SESN2: variants seen among roughly 807,000 people sequenced by gnomAD.
SESN2 encodes sestrin-2.
A neutral mutation model predicts 56.0 loss-of-function variants in SESN2; 42 were observed. That is an observed-to-expected ratio of 0.75 (90% confidence interval 0.59 to 0.97). SESN2 has a LOEUF of 0.97. Among genes scored for constraint, SESN2 ranks in the 50% least tolerant of loss-of-function variants. SESN2 has a pLI of 0.00. For synonymous variants in SESN2, 264 were observed against 267.1 expected, an observed-to-expected ratio of 0.99 and a Z score of 0.11; for missense variants, 507 against 649.4, an observed-to-expected ratio of 0.78 and a Z score of 2.38.
chr1:28,271,596 C>T (rs2149038482), intron 2 of SESN2, 78 bp from the exon 3 acceptor site: 2 of 1,147,342 alleles, frequency 1.7e-6, no homozygotes. Flanking sequence ...CATTAAAAAC[C>T]CACTGGAAGA....
chr1:28,273,822 ATTG>A (rs887373658), intron 6 of SESN2, among the ~76,000 whole-genome samples: 13 of 152,186 alleles, frequency 8.5e-5, no homozygotes, highest in East Asian at 5.8e-4. Flanking sequence ...AACTGCCACT[ATTG>A]TTGTTACCAG....
intron 9 of SESN2, 35 bp downstream of exon 9, chr1:28,279,276 GAC>G: frequency 6.2e-7 from 1 of 1,612,160 alleles, no homozygotes; most frequent in Non-Finnish European, 8.5e-7. Flanking sequence ...GATGGAAGTA[GAC>G]AGGCCAAGCC....
chr1:28,259,999 G>A, intron 1 of SESN2, 62 bp downstream of exon 1: 1 of 1,247,770 alleles, frequency 8.0e-7, no homozygotes, highest in Non-Finnish European at 1.1e-6. Context: ...TGAGCCTCAG[G>A]CTGTCCGGAG....
At chr1:28,266,574 T>A (rs901962254) in intron 1 of SESN2, among the ~76,000 whole-genome samples, 1 of 151,030 alleles carries the variant, frequency 6.6e-6, no homozygotes, top group African/African-American at 2.4e-5. Flanking sequence ...TTTTTTTTTT[T>A]TTTGAGACAG....
intron 8 of SESN2, among the ~76,000 whole-genome samples, chr1:28,278,508 G>A (rs1293317019): frequency 4.6e-5 from 7 of 152,170 alleles, no homozygotes; most frequent in Middle Eastern, 3.2e-3. Flanking sequence ...CTGAGGTTGC[G>A]GTGAGCCGAG....
At chr1:28,272,996 G>A (rs1647845751) in intron 5 of SESN2, among the ~76,000 whole-genome samples, 1 of 152,182 alleles carries the variant, frequency 6.6e-6, no homozygotes. Context: ...GGCTGTGAGG[G>A]TTAAATGAAA....
At position 28,271,397 on chromosome 1, in the gene SESN2, AGTT is replaced by A. The variant is rs575558899; in HGVS notation, c.157-271_157-269del. On this transcript the variant is annotated intron_variant, in intron 2 of 9. Coordinates refer to ENST00000253063, the MANE Select transcript of SESN2 (RefSeq NM_031459.5). ...TGGAGAAACAGAACTCCAGTTTTAT[AGTT>A]GTTGTGAGAGTTAAATAAGTTAAAA... Among the ~76,000 whole-genome samples, 9 of 152,342 alleles carry A rather than the reference AGTT, an allele frequency of 5.9e-5. No homozygotes were observed. The South Asian group carries it at 1.2e-3, about 21-fold the overall frequency.
intron 9 of SESN2, 73 bp downstream of exon 9, chr1:28,279,314 C>T: frequency 1.3e-6 from 2 of 1,507,882 alleles, no homozygotes; most frequent in Non-Finnish European, 1.8e-6. Flanking sequence ...GGGTTAGGAC[C>T]CAGTGAGAGT....
rs577066195 is a variant in SESN2 at position 28,260,586 on chromosome 1, G to A, written c.90+649G>A. Among the ~76,000 whole-genome samples, 27 of 152,324 alleles carry A rather than the reference G, an allele frequency of 1.8e-4. No individual in the cohort carries two copies. In the South Asian group the frequency reaches 3.7e-3, roughly 21 times the overall value. Reference sequence around the variant, plus strand: ...GCTGGGGGGAGAGGGGACAACCCTGGTCGCGGCTTCCGAAGCCAAGCGCGG... The same window carrying A: ...GCTGGGGGGAGAGGGGACAACCCTGATCGCGGCTTCCGAAGCCAAGCGCGG... On this transcript the variant is annotated intron_variant, in intron 1 of 9. Coordinates refer to ENST00000253063, the MANE Select transcript of SESN2 (RefSeq NM_031459.5).
At chr1:28,273,332 T>C (rs777956427) in intron 5 of SESN2, 26 bp from the exon 6 acceptor site, 50 of 1,533,912 alleles carry the variant, frequency 3.3e-5, no homozygotes, top group Non-Finnish European at 4.3e-5. Context: ...GAGGAGTAGC[T>C]GGTCACCACG....
intron 6 of SESN2, among the ~76,000 whole-genome samples, chr1:28,273,838 G>T (rs2149039281): frequency 6.6e-6 from 1 of 152,278 alleles, no homozygotes; most frequent in Non-Finnish European, 1.5e-5. Flanking sequence ...GTTACCAGGG[G>T]CCTCGCTTCA....
At chr1:28,262,504 G>A (rs1271139886) in intron 1 of SESN2, among the ~76,000 whole-genome samples, 3 of 150,640 alleles carry the variant, frequency 2.0e-5, no homozygotes, top group Non-Finnish European at 2.9e-5. Context: ...GGTGGTGTGC[G>A]CCAGCTACTT....
chr1:28,273,963 C>A, intron 6 of SESN2, 77 bp from the exon 7 acceptor site: 3 of 978,718 alleles, frequency 3.1e-6, no homozygotes, highest in Non-Finnish European at 4.9e-6. Flanking sequence ...TCCCCTCCCC[C>A]TTTTGGTGAT....
intron 2 of SESN2, among the ~76,000 whole-genome samples, chr1:28,270,794 C>T (rs574838590): frequency 2.6e-5 from 4 of 152,164 alleles, no homozygotes; most frequent in Non-Finnish European, 4.4e-5. Context: ...GTCTCAAACT[C>T]CGGACCTTAG....
intron 8 of SESN2, among the ~76,000 whole-genome samples, chr1:28,276,305 AC>A (rs1648038561): frequency 6.6e-6 from 1 of 151,498 alleles, no homozygotes; most frequent in African/African-American, 2.4e-5. Flanking sequence ...CATAATTAAG[AC>A]CCATCTCTAC....
intron 1 of SESN2, among the ~76,000 whole-genome samples, chr1:28,262,451 T>C (rs1252234184): frequency 1.3e-5 from 2 of 150,950 alleles, no homozygotes; most frequent in African/African-American, 4.9e-5. Flanking sequence ...AAAACCAGCC[T>C]GAAACCCTGT....
At chr1:28,269,334 T>C in intron 2 of SESN2, 86 bp downstream of exon 2, 1 of 854,526 alleles carries the variant, frequency 1.2e-6, no homozygotes, top group Non-Finnish European at 1.8e-6. Flanking sequence ...TCCTGTTCTT[T>C]AAATTGCAGC....
intron 8 of SESN2, among the ~76,000 whole-genome samples, chr1:28,276,522 T>C (rs764490043): frequency 4.2e-4 from 63 of 151,236 alleles, no homozygotes; most frequent in Non-Finnish European, 6.6e-4. Flanking sequence ...TCCATTATAC[T>C]ATCTGCTGTT....
chr1:28,261,087 A>T (rs1423500218), intron 1 of SESN2, among the ~76,000 whole-genome samples: 1 of 152,104 alleles, frequency 6.6e-6, no homozygotes, highest in Non-Finnish European at 1.5e-5. Context: ...ACAGGCCTAG[A>T]GTGTGGTGGA....
Sources: gnomAD v4.1 joint callset for allele counts (sites outside exome capture counted in the v4.1 genomes callset) on GRCh38, gnomAD v4.1.1 for gene constraint, MANE v1.5 for transcripts, NCBI Gene and HGNC (gene_info 2026-07-23, HGNC 2026-07-21) for gene names.